The following KIF26B variants were observed in gnomAD, a reference collection of about 807,000 sequenced individuals.
KIF26B encodes the protein kinesin family member 26B, also known as kinesin-like protein KIF26B.
KIF26B carries 63 observed loss-of-function variants against 151.2 expected under a neutral mutation model. That is an observed-to-expected ratio of 0.42 (90% CI 0.34 to 0.51). KIF26B has a LOEUF of 0.51. Among genes scored for constraint, KIF26B ranks in the 20% least tolerant of loss-of-function variants. The pLI, the probability that KIF26B is intolerant of heterozygous loss-of-function variation, is 0.07. For synonymous variants in KIF26B, 1,357 were observed against 1,262.1 expected (o/e 1.08, Z -1.59); for missense variants, 2,813 against 2,913.6 (o/e 0.97, Z 0.79).
chr1:245,370,688 A>G (rs1332680484), intron 3 of KIF26B: 2 of 450,068 alleles, frequency 4.4e-6, no homozygotes, highest in African/African-American at 4.0e-5. Context: ...CCTGTAAAAT[A>G]TTCAAAGTGA....
intron 5 of KIF26B, among the ~76,000 whole-genome samples, chr1:245,570,619 C>T (rs189638402): frequency 6.6e-6 from 1 of 152,336 alleles, no homozygotes; most frequent in Admixed American, 6.5e-5. Flanking sequence ...AGGCATGGGC[C>T]AGGAAAGGCT....
At position 245,416,648 on chromosome 1, in the gene KIF26B, C is replaced by T. The variant is rs534800077; in HGVS notation, c.1000-2931C>T. ...AAGCATAGGCTGGAAGAAGGCTTCTCGGAGGAAGTGAGGCTTGAGCTTACA... is the reference window on the plus strand; with the variant it reads ...AAGCATAGGCTGGAAGAAGGCTTCTTGGAGGAAGTGAGGCTTGAGCTTACA... On this transcript the variant is annotated intron_variant, in intron 3 of 14. Transcript: ENST00000407071. 9.2e-5 allele frequency among the ~76,000 whole-genome samples: 14 copies of T among 152,136 alleles called. No individual in the cohort carries two copies. In the South Asian group the frequency reaches 1.7e-3, roughly 18 times the overall value.
In KIF26B at chr1:245,684,321, G is replaced by A. The variant is rs368259033; in HGVS notation, c.2347G>A (p.Gly783Arg). 2.2e-5 allele frequency: 35 copies of A among 1,613,806 alleles called. No homozygotes were observed. The highest frequency in any genetic ancestry group is 1.2e-4 in the African/African-American group (9 of 74,924). The change falls in exon 11 of 15, where the codon GGG becomes AGG. Residue 783 changes from glycine (G) to arginine (R), a missense_variant. By Grantham distance (125) the Gly-to-Arg change is moderately radical (BLOSUM62 -2). Around this residue, in one of 3 missense-constraint regions of KIF26B, gnomAD observed 2,060 missense variants for 2,088.6 expected, o/e 0.99. Transcript: ENST00000407071. Reference sequence around the variant, plus strand: ...GATCGCGCACATCTCGGCCGCGGTCGGGAGCTACGCGGAGACCCTGTCCAC... The same window carrying A: ...GATCGCGCACATCTCGGCCGCGGTCAGGAGCTACGCGGAGACCCTGTCCAC... ...TMIAHISAAV[G>R]SYAETLSTIQ... is the part of the protein sequence containing the mutation.
chr1:245,336,360 C>T (rs539809328), intron 2 of KIF26B, among the ~76,000 whole-genome samples: 1 of 152,266 alleles, frequency 6.6e-6, no homozygotes, highest in East Asian at 1.9e-4. Flanking sequence ...GCAGGAGACC[C>T]GCTTGTAGGA....
intron 4 of KIF26B, among the ~76,000 whole-genome samples, chr1:245,504,293 T>A (rs1660683073): frequency 6.6e-6 from 1 of 151,932 alleles, no homozygotes; most frequent in African/African-American, 2.4e-5. Flanking sequence ...CCTCTCTCCT[T>A]CTTGGTCTCT....
At position 245,298,583 on chromosome 1, in the gene KIF26B, T is replaced by C. The variant is rs1671375890; in HGVS notation, c.466-68251T>C. On this transcript the variant is annotated intron_variant, in intron 2 of 14. Transcript: ENST00000407071. The stretch of plus-strand genomic sequence containing the variant: ...TTGGTGATGGTTGCAAAACAATGTA[T>C]GAACCACTGCATTAATGTACTTCAT... Among the ~76,000 whole-genome samples the C allele has an allele frequency of 2.6e-5, 4 of 152,368 alleles. No homozygotes were observed. In the South Asian group the frequency reaches 8.3e-4, roughly 32 times the overall value.
rs550207268 is a variant in KIF26B, at chr1:245,328,746, C to T, written c.466-38088C>T. ...CTGGTCACAACGCCTGGTCTCCACA[C>T]TGGCAGGGCTGTTCTTTTACAAGGA... is the stretch of plus-strand genomic sequence containing the variant. On this transcript the variant is annotated intron_variant, in intron 2 of 14. Coordinates refer to ENST00000407071, the MANE Select transcript of KIF26B (RefSeq NM_018012.4). Among the ~76,000 whole-genome samples the T allele has an allele frequency of 4.8e-3, 728 of 152,316 alleles. 5 individuals carry two copies. Among genetic ancestry groups the T allele is most frequent in the Non-Finnish European group, 7.5e-3 (510 of 68,030 alleles).
chr1:245,625,126 A>G (rs1210028316), intron 9 of KIF26B, among the ~76,000 whole-genome samples: 1 of 152,180 alleles, frequency 6.6e-6, no homozygotes, highest in African/African-American at 2.4e-5. Flanking sequence ...CTATTTGTCT[A>G]TCTTTACACC....
At chr1:245,644,647 G>C (rs2043927430) in intron 9 of KIF26B, among the ~76,000 whole-genome samples, 1 of 152,228 alleles carries the variant, frequency 6.6e-6, no homozygotes, top group African/African-American at 2.4e-5. Context: ...GTATGGGAAA[G>C]ACTTCTGGGT....
intron 2 of KIF26B, among the ~76,000 whole-genome samples, chr1:245,282,079 T>C (rs1339199361): frequency 6.6e-6 from 1 of 152,016 alleles, no homozygotes; most frequent in East Asian, 1.9e-4. Context: ...AAACCACTGC[T>C]CAATGAAATA....
intron 2 of KIF26B, among the ~76,000 whole-genome samples, chr1:245,235,927 CTTAT>C (rs1195004187): frequency 1.0e-5 from 1 of 96,778 alleles, no homozygotes; most frequent in African/African-American, 4.4e-5. Flanking sequence ...CACTGCATCA[CTTAT>C]TTTTTTTTTT....
At chr1:245,668,837 G>A (rs1382713128) in intron 10 of KIF26B, among the ~76,000 whole-genome samples, 4 of 152,050 alleles carry the variant, frequency 2.6e-5, no homozygotes, top group South Asian at 2.1e-4. Flanking sequence ...TTACAGGCAC[G>A]CACCACCATG....
intron 2 of KIF26B, among the ~76,000 whole-genome samples, chr1:245,258,877 T>G (rs1168465513): frequency 6.6e-6 from 1 of 152,194 alleles, no homozygotes; most frequent in Non-Finnish European, 1.5e-5. Flanking sequence ...CCATCTCCGC[T>G]CCGGTTTTCC....
chr1:245,162,373 A>ATTTT (rs1668545880), intron 2 of KIF26B, among the ~76,000 whole-genome samples: 1 of 126,384 alleles, frequency 7.9e-6, no homozygotes, highest in African/African-American at 3.2e-5. Context: ...CATCAGAAAT[A>ATTTT]TCTTTTTTTT....
chr1:245,550,759 A>T (rs1007603354), intron 5 of KIF26B, among the ~76,000 whole-genome samples: 17 of 152,090 alleles, frequency 1.1e-4, no homozygotes, highest in African/African-American at 3.9e-4. Context: ...TAAACTCCTC[A>T]CTCACTGACT....
At chr1:245,198,354 T>C (rs1314150124) in intron 2 of KIF26B, among the ~76,000 whole-genome samples, 1 of 152,220 alleles carries the variant, frequency 6.6e-6, no homozygotes, top group East Asian at 1.9e-4. Context: ...GATAAAAGCA[T>C]CTACCTCAAA....
intron 4 of KIF26B, among the ~76,000 whole-genome samples, chr1:245,529,184 G>A (rs765741165): frequency 2.6e-5 from 4 of 152,108 alleles, no homozygotes; most frequent in Admixed American, 2.0e-4. Flanking sequence ...TCCTGCTGTC[G>A]TCTGGCCAGA....
At chr1:245,171,124 G>A (rs556982278) in intron 2 of KIF26B, among the ~76,000 whole-genome samples, 3 of 152,270 alleles carry the variant, frequency 2.0e-5, no homozygotes, top group African/African-American at 7.2e-5. Context: ...GTTTTTCCAC[G>A]GACATTGACA....
intron 4 of KIF26B, chr1:245,511,278 G>A (rs1660831516): frequency 4.9e-6 from 3 of 609,968 alleles, no homozygotes; most frequent in Admixed American, 2.9e-5. Flanking sequence ...TCCAGGTTGT[G>A]CAAGCTTTCT....
Sources: allele counts gnomAD v4.1 joint callset (sites outside exome capture counted in the v4.1 genomes callset), GRCh38; gene constraint gnomAD v4.1.1; regional missense constraint gnomAD v4.1.1; transcripts MANE v1.5; gene names NCBI Gene and HGNC (gene_info 2026-07-23, HGNC 2026-07-21).